HIPK2: variants seen among roughly 807,000 people sequenced by gnomAD.
The protein encoded by HIPK2 is homeodomain interacting protein kinase 2.
In HIPK2, 27 loss-of-function variants were observed where a neutral mutation model predicts 113.7. That is an observed-to-expected ratio of 0.24 (90% confidence interval 0.17 to 0.33). The LOEUF (loss-of-function observed/expected upper bound fraction) is 0.33, where lower values mean the gene tolerates loss of function less well. HIPK2 is among the 10% of genes least tolerant of loss of function. HIPK2 has a pLI of 1.00. For missense variants in HIPK2, 1,257 were observed against 1,588.0 expected (o/e 0.79, Z 3.54); for synonymous variants, 631 against 642.2 (o/e 0.98, Z 0.26).
chr7:139,622,240 T>C (rs1301747352), intron 6 of HIPK2, among the ~76,000 whole-genome samples: 4 of 152,198 alleles, frequency 2.6e-5, no homozygotes, highest in African/African-American at 7.2e-5. Context: ...GGCTGCGTCA[T>C]GCACACGACA....
intron 9 of HIPK2, among the ~76,000 whole-genome samples, chr7:139,608,394 T>C (rs1799702616): frequency 6.7e-6 from 1 of 148,896 alleles, no homozygotes; most frequent in Non-Finnish European, 1.5e-5. Flanking sequence ...ATAATGTAAC[T>C]ATATATATTG....
rs538630731 is a variant in HIPK2, at chr7:139,744,744, C to T, written c.20-27729G>A. Among the ~76,000 whole-genome samples, 18 of 152,310 alleles carry T rather than the reference C, an allele frequency of 1.2e-4. No homozygotes were observed. The South Asian group carries it at 2.7e-3, about 23-fold the overall frequency. On this transcript the variant is annotated intron_variant, in intron 1 of 14. Transcript: ENST00000406875. ...AGAGGCCCGCTGCGAAGCCACGTGACGGACTTACGGCAAGTGGATTTTAAC... is the reference window on the plus strand; with the variant it reads ...AGAGGCCCGCTGCGAAGCCACGTGATGGACTTACGGCAAGTGGATTTTAAC...
chr7:139,563,040 A>AGTGAGCAGGAACACAAAAGGGAG lies in HIPK2; in HGVS notation c.*9864_*9886dup, dbSNP rs1403028700. The stretch of plus-strand genomic sequence containing the variant: ...TGGAAAGTCCATGGAAGAAGCTTGA[A>AGTGAGCAGGAACACAAAAGGGAG]GTGAGCAGGAACACAAAAGGGAGGA... On this transcript the variant is annotated 3_prime_UTR_variant, in exon 15 of 15. Coordinates refer to ENST00000406875, the MANE Select transcript of HIPK2 (RefSeq NM_022740.5). 6.8e-6 allele frequency: 1 copy of AGTGAGCAGGAACACAAAAGGGAG among 147,294 alleles called. No individual in the cohort carries two copies. Among genetic ancestry groups the AGTGAGCAGGAACACAAAAGGGAG allele is most frequent in the East Asian group, 2.1e-4 (1 of 4,712 alleles). 9.1% of individuals were successfully genotyped at this position (147,294 alleles called of 1,614,324 possible).
chr7:139,631,060 G>T lies in HIPK2; in HGVS notation c.1347+105C>A. On this transcript the variant is annotated intron_variant, in intron 4 of 14. Transcript: ENST00000406875. The surrounding 1 kb of genome is among the most constrained non-coding windows in gnomAD (Gnocchi z 4.9). ...ATGTATTAACAACAGCACCCCCAGT[G>T]CCCTCATTTTGCTGACTGAATCAAA... The T allele has an allele frequency of 7.1e-7, 1 of 1,414,460 alleles. No homozygotes were observed. Among genetic ancestry groups the T allele is most frequent in the Non-Finnish European group, 9.5e-7 (1 of 1,056,058 alleles). The allele number at this position is 1,414,460 out of a possible 1,614,324, so 87.6% of individuals were successfully genotyped here.
At chr7:139,604,411 G>C in intron 9 of HIPK2, 188 bp from the exon 10 acceptor site, 1 of 314,154 alleles carries the variant, frequency 3.2e-6, no homozygotes, top group Non-Finnish European at 4.6e-6. Context: ...GCCGGGTGCA[G>C]TGGCTCACGC....
In HIPK2 at chr7:139,596,710, G is replaced by GCCT. The variant is rs1461445577; in HGVS notation, c.2717+4_2717+6dup. On this transcript the variant is annotated splice_region_variant and intron_variant, in intron 12 of 14. Coordinates refer to ENST00000406875, the MANE Select transcript of HIPK2 (RefSeq NM_022740.5). ...CTTCCTGGAAGGCTAAGGTGGCACTGCCTCACCTGGTGGGGGCGTGTTTCT... is the reference window on the plus strand; with the variant it reads ...CTTCCTGGAAGGCTAAGGTGGCACTGCCTCCTCACCTGGTGGGGGCGTGTTTCT... 1 of 1,607,784 alleles carries GCCT rather than the reference G, an allele frequency of 6.2e-7. No individual in the cohort carries two copies. Among genetic ancestry groups the GCCT allele is most frequent in the Non-Finnish European group, 8.5e-7 (1 of 1,174,694 alleles).
intron 2 of HIPK2, among the ~76,000 whole-genome samples, chr7:139,665,602 C>CCATT (rs1802022791): frequency 6.6e-6 from 1 of 151,886 alleles, no homozygotes; most frequent in Non-Finnish European, 1.5e-5. Flanking sequence ...ATCCATCCAT[C>CCATT]CATCCACCCA....
At chr7:139,659,483 G>C (rs776439846) in intron 2 of HIPK2, among the ~76,000 whole-genome samples, 1 of 152,192 alleles carries the variant, frequency 6.6e-6, no homozygotes, top group African/African-American at 2.4e-5. Flanking sequence ...ACAGACCCCC[G>C]GCTGCAGCTG....
intron 2 of HIPK2, among the ~76,000 whole-genome samples, chr7:139,690,450 T>C (rs980836199): frequency 2.0e-5 from 3 of 152,158 alleles, no homozygotes; most frequent in African/African-American, 7.2e-5. Context: ...ATTTGGGTCA[T>C]GGGGACAGAT....
rs1020601216 is a variant in HIPK2 at position 139,568,148 on chromosome 7, C to A, written c.*4779G>T. On this transcript the variant is annotated 3_prime_UTR_variant, in exon 15 of 15. Transcript: ENST00000406875. ...CAGCAGTTGGGCTAATCTCCCCTTC[C>A]CTTCCTGATGTCCATCCGTCTCACA... 5.9e-5 allele frequency: 9 copies of A among 152,352 alleles called. No individual in the cohort carries two copies. Among genetic ancestry groups the A allele is most frequent in the Non-Finnish European group, 1.2e-4 (8 of 68,140 alleles). 9.4% of individuals were successfully genotyped at this position (152,352 alleles called of 1,614,324 possible).
At chr7:139,751,695 T>C (rs963509528) in intron 1 of HIPK2, among the ~76,000 whole-genome samples, 1 of 152,070 alleles carries the variant, frequency 6.6e-6, no homozygotes, top group African/African-American at 2.4e-5. Context: ...GGCACTAAAC[T>C]GCATGCATTG....
chr7:139,588,314 C>T (rs1259310488), intron 12 of HIPK2, among the ~76,000 whole-genome samples: 3 of 150,598 alleles, frequency 2.0e-5, no homozygotes, highest in African/African-American at 7.4e-5. Context: ...TGAGACTCTG[C>T]CCCCACACCG....
At chr7:139,591,533 G>A (rs1015702423) in intron 12 of HIPK2, among the ~76,000 whole-genome samples, 12 of 152,156 alleles carry the variant, frequency 7.9e-5, no homozygotes, top group African/African-American at 2.9e-4. Context: ...AGGAAGCTGT[G>A]GCATATCAGT....
chr7:139,755,284 AC>A (rs1796344849), intron 1 of HIPK2, among the ~76,000 whole-genome samples: 1 of 152,206 alleles, frequency 6.6e-6, no homozygotes, highest in Non-Finnish European at 1.5e-5. Flanking sequence ...AGACCGACAT[AC>A]CACAAACCAT....
chr7:139,704,243 A>AC (rs1271270332), intron 2 of HIPK2, among the ~76,000 whole-genome samples: 90,744 of 92,040 alleles, frequency 0.99, 44,806 homozygotes, highest in Middle Eastern at 1. Flanking sequence ...CAACACATGC[A>AC]CCCCTCCACA....
intron 11 of HIPK2, among the ~76,000 whole-genome samples, chr7:139,598,086 A>C (rs2116664197): frequency 6.6e-6 from 1 of 152,362 alleles, no homozygotes. Flanking sequence ...GTTTTGACTG[A>C]GACCACATGT....
chr7:139,583,519 G>T, intron 13 of HIPK2: 1 of 333,200 alleles, frequency 3.0e-6, no homozygotes, highest in Non-Finnish European at 5.6e-6. Flanking sequence ...TCCAGGCTCA[G>T]GCATAAAGAA....
At position 139,710,073 on chromosome 7, in the gene HIPK2, T is replaced by A. The variant is rs577706827; in HGVS notation, c.1103+5859A>T. ...CTCTCAAAACATCCCCACAACTTTTTTTTTTCTTTGCCATTCCAATTGATT... is the reference window on the plus strand; with the variant it reads ...CTCTCAAAACATCCCCACAACTTTTATTTTTCTTTGCCATTCCAATTGATT... On this transcript the variant is annotated intron_variant, in intron 2 of 14. Coordinates refer to ENST00000406875, the MANE Select transcript of HIPK2 (RefSeq NM_022740.5). Among the ~76,000 whole-genome samples the A allele has an allele frequency of 2.8e-4, 43 of 152,316 alleles. No homozygotes were observed. In the South Asian group the frequency reaches 8.9e-3, roughly 32 times the overall value.
At chr7:139,656,918 T>A (rs747538679) in intron 2 of HIPK2, among the ~76,000 whole-genome samples, 30 of 152,112 alleles carry the variant, frequency 2.0e-4, no homozygotes, top group Non-Finnish European at 3.1e-4. Flanking sequence ...TCACCCAGGC[T>A]GGAGTGCAAT....
Sources: allele counts gnomAD v4.1 joint callset (sites outside exome capture counted in the v4.1 genomes callset), GRCh38; gene constraint gnomAD v4.1.1; non-coding constraint Gnocchi (gnomAD v3.1); transcripts MANE v1.5; gene names NCBI Gene and HGNC (gene_info 2026-07-23, HGNC 2026-07-21).